CCDC157: variants seen among roughly 807,000 people sequenced by gnomAD.
CCDC157 encodes coiled-coil domain containing 157, also known as coiled-coil domain-containing protein 157.
In CCDC157, 60 loss-of-function variants were observed where a neutral mutation model predicts 70.9. The ratio of observed to expected loss-of-function variants is 0.85; its 90% CI spans 0.69 to 1.05. The LOEUF (loss-of-function observed/expected upper bound fraction) is 1.05, where lower values mean the gene tolerates loss of function less well. Ranked by LOEUF, CCDC157 falls within the 50% of genes least tolerant of loss-of-function variation. The pLI is 0.00. For missense variants in CCDC157, 943 were observed against 984.2 expected (o/e 0.96, Z 0.56); for synonymous variants, 373 against 422.4 (o/e 0.88, Z 1.43).
At position 30,370,725 on chromosome 22, in the gene CCDC157, C is replaced by T. The variant is rs879034884; in HGVS notation, c.820C>T (p.Arg274Cys). The T allele has an allele frequency of 5.0e-6, 8 of 1,613,450 alleles. No individual in the cohort carries two copies. The highest frequency in any genetic ancestry group is 1.7e-4 in the Middle Eastern group (1 of 6,056). ...LRPLPAATVG[R>C]WAAEQRKDLT... is the part of the protein sequence containing the mutation. ...GCCACTGCCGGCTGCCACCGTGGGC[C>T]GCTGGGCAGCAGAGCAGAGGAAAGA... Residue 274 changes from arginine (R) to cysteine (C), a missense_variant, in exon 5 of 12, where the codon CGC (arginine) becomes TGC (cysteine). Physicochemically the swap from Arg to Cys is radical, Grantham distance 180. Coordinates refer to ENST00000338306, the MANE Select transcript of CCDC157 (RefSeq NM_001017437.5).
In CCDC157 at chr22:30,373,917, T is replaced by C. The variant is rs4820839; in HGVS notation, c.1504-6T>C. 0.22 allele frequency: 354,848 copies of C among 1,603,672 alleles called. 41,320 individuals carry two copies. The highest frequency in any genetic ancestry group is 0.27 in the Middle Eastern group (1,613 of 5,984). ...GGAGCCAGGCCTGAGCCTCCGTCTGTCCCAGGAGCTGCTGCAGAGCCTGCA... is the reference window on the plus strand; with the variant it reads ...GGAGCCAGGCCTGAGCCTCCGTCTGCCCCAGGAGCTGCTGCAGAGCCTGCA... On this transcript the variant is annotated splice_region_variant and splice_polypyrimidine_tract_variant and intron_variant, in intron 8 of 11. Transcript: ENST00000338306.
intron 4 of CCDC157, chr22:30,369,875 T>C: frequency 2.1e-6 from 1 of 470,058 alleles, no homozygotes; most frequent in Non-Finnish European, 3.8e-6. Context: ...TCTTCATCTA[T>C]ACAACGGAGG....
In CCDC157 at chr22:30,377,074, C is replaced by A; in HGVS notation, c.*329C>A. On this transcript the variant is annotated 3_prime_UTR_variant, in exon 12 of 12. Coordinates refer to ENST00000338306, the MANE Select transcript of CCDC157 (RefSeq NM_001017437.5). The stretch of plus-strand genomic sequence containing the variant: ...AAGGTCCGTTTTTCTATCCCCAGAG[C>A]AAGGGTCGAGGGGTGAACCTTGGCT... 1 of 387,710 alleles carries A rather than the reference C, an allele frequency of 2.6e-6. No homozygotes were observed. Among genetic ancestry groups the A allele is most frequent in the South Asian group, 3.2e-5 (1 of 31,072 alleles). The allele number at this position is 387,710 out of a possible 1,614,324, so 24.0% of individuals were successfully genotyped here.
At position 30,370,430 on chromosome 22, in the gene CCDC157, C is replaced by T. The variant is rs865896990; in HGVS notation, c.525C>T (p.Ser175=). 1 of 1,614,170 alleles carries T rather than the reference C, an allele frequency of 6.2e-7. No individual in the cohort carries two copies. The highest frequency in any genetic ancestry group is 1.7e-5 in the Admixed American group (1 of 60,026). Residue 175 remains serine (S), a synonymous_variant, in exon 5 of 12, where the codon TCC becomes TCT. Coordinates refer to ENST00000338306, the MANE Select transcript of CCDC157 (RefSeq NM_001017437.5). ...CTACCAAGTTAATCAAGCCCTCCTCCCCAGTGCTAGGCTTGCCCCAGACCT... is the reference window on the plus strand; with the variant it reads ...CTACCAAGTTAATCAAGCCCTCCTCTCCAGTGCTAGGCTTGCCCCAGACCT... ...YLTTKLIKPS[S]PVLGLPQTCQ... is the part of the protein sequence containing the mutation.
chr22:30,363,515 C>T (rs2145873483), intron 2 of CCDC157, among the ~76,000 whole-genome samples: 1 of 152,182 alleles, frequency 6.6e-6, no homozygotes, highest in South Asian at 2.1e-4. Context: ...CCCCATCTTA[C>T]AGCTGGGCCT....
chr22:30,375,779 G>A, intron 10 of CCDC157, 116 bp downstream of exon 10: 2 of 891,342 alleles, frequency 2.2e-6, no homozygotes, highest in East Asian at 2.7e-5. Flanking sequence ...TGAGGCCTTA[G>A]GCTGTGCTTT....
chr22:30,370,972 C>A, intron 5 of CCDC157, 22 bp downstream of exon 5: 5 of 1,591,572 alleles, frequency 3.1e-6, no homozygotes, highest in East Asian at 2.3e-5. Flanking sequence ...AGAGGCCAGA[C>A]GCCTGGTGCC....
chr22:30,369,343 A>G (rs1932833499), intron 3 of CCDC157, 89 bp from the exon 4 acceptor site: 2 of 1,204,480 alleles, frequency 1.7e-6, no homozygotes, highest in African/African-American at 3.1e-5. Flanking sequence ...TGCCTGGGCC[A>G]GTTCCCCAGA....
intron 3 of CCDC157, 168 bp downstream of exon 3, chr22:30,366,416 T>A: frequency 1.3e-6 from 1 of 752,482 alleles, no homozygotes; most frequent in Non-Finnish European, 2.2e-6. Flanking sequence ...TGGTCTTACC[T>A]TTTATCATGT....
rs1031314758 is a variant in CCDC157 at position 30,378,448 on chromosome 22, G to T, written c.*1703G>T. 1 of 185,610 alleles carries T rather than the reference G, an allele frequency of 5.4e-6. No individual in the cohort carries two copies. Among genetic ancestry groups the T allele is most frequent in the African/African-American group, 2.3e-5 (1 of 42,756 alleles). 11.5% of individuals were successfully genotyped at this position (185,610 alleles called of 1,614,324 possible). A position where few individuals can be genotyped will look rare whatever the true frequency, so the allele number is the denominator to read the frequency against. On this transcript the variant is annotated 3_prime_UTR_variant, in exon 12 of 12. Coordinates refer to ENST00000338306, the MANE Select transcript of CCDC157 (RefSeq NM_001017437.5). Reference sequence around the variant, plus strand: ...GTTCGAGACCAGCCTGACCAACATGGAGAAACCCCGTCTCTACTAAAAATA... The same window carrying T: ...GTTCGAGACCAGCCTGACCAACATGTAGAAACCCCGTCTCTACTAAAAATA...
intron 10 of CCDC157, chr22:30,375,887 G>T: frequency 3.5e-6 from 2 of 569,648 alleles, no homozygotes; most frequent in Non-Finnish European, 6.1e-6. Flanking sequence ...TCCTTTAAGT[G>T]CAGCAAGAAG....
intron 2 of CCDC157, among the ~76,000 whole-genome samples, chr22:30,364,772 G>A (rs978292123): frequency 3.4e-5 from 5 of 149,090 alleles, no homozygotes; most frequent in South Asian, 4.2e-4. Context: ...CTGAGATCAC[G>A]CCACTGTACT....
intron 1 of CCDC157, among the ~76,000 whole-genome samples, chr22:30,361,612 C>A (rs967974042): frequency 2.6e-5 from 4 of 152,144 alleles, no homozygotes; most frequent in African/African-American, 9.7e-5. Flanking sequence ...TAGTATATTT[C>A]TTTTGGACAC....
chr22:30,363,560 T>C (rs1932497757), intron 2 of CCDC157, among the ~76,000 whole-genome samples: 1 of 152,084 alleles, frequency 6.6e-6, no homozygotes, highest in Admixed American at 6.6e-5. Flanking sequence ...GGGGCAGGGC[T>C]GGGATTCTCT....
At chr22:30,371,547 T>A (rs11705092) in intron 5 of CCDC157, 103 bp from the exon 6 acceptor site, 3 of 974,342 alleles carry the variant, frequency 3.1e-6, no homozygotes, top group East Asian at 2.4e-5. Context: ...GCGGCCCCTC[T>A]GCAGGCGATG....
chr22:30,374,003 A>G lies in CCDC157; in HGVS notation c.1584A>G (p.Leu528=). The G allele has an allele frequency of 6.2e-7, 1 of 1,612,692 alleles. No individual in the cohort carries two copies. Residue 528 remains leucine (L), a synonymous_variant, in exon 9 of 12, where the codon CTA becomes CTG. Coordinates refer to ENST00000338306, the MANE Select transcript of CCDC157 (RefSeq NM_001017437.5). ...TTDLRLTILE[L]ERELEELKER... ...ACCTGCGGCTAACCATCCTGGAGCT[A>G]GAACGGGAGCTGGAGGAGCTGAAGG...
chr22:30,377,108 C>T lies in CCDC157; in HGVS notation c.*363C>T, dbSNP rs1378791383. On this transcript the variant is annotated 3_prime_UTR_variant, in exon 12 of 12. Coordinates refer to ENST00000338306, the MANE Select transcript of CCDC157 (RefSeq NM_001017437.5). ...AGGGGTGAACCTTGGCTCAGTGGCC[C>T]GCACTGACTCAGGAAGGGGTCAGGT... is the stretch of plus-strand genomic sequence containing the variant. The T allele has an allele frequency of 3.4e-6, 1 of 293,372 alleles. No homozygotes were observed. Among genetic ancestry groups the T allele is most frequent in the Non-Finnish European group, 6.6e-6 (1 of 152,370 alleles). 18.2% of individuals were successfully genotyped at this position (293,372 alleles called of 1,614,324 possible).
Position 30,376,932 on chromosome 22 carries a change from A to G in CCDC157, c.*187A>G. The G allele has an allele frequency of 1.6e-6, 1 of 625,610 alleles. No homozygotes were observed. Among genetic ancestry groups the G allele is most frequent in the Non-Finnish European group, 2.8e-6 (1 of 360,158 alleles). The allele number at this position is 625,610 out of a possible 1,614,324, so 38.8% of individuals were successfully genotyped here. On this transcript the variant is annotated 3_prime_UTR_variant, in exon 12 of 12. Transcript: ENST00000338306. Reference sequence around the variant, plus strand: ...GCCATGTAGTTCAGTCAGTCAGCAGAGTCCTGGCACTATGGGCCCTCAGTA... The same window carrying G: ...GCCATGTAGTTCAGTCAGTCAGCAGGGTCCTGGCACTATGGGCCCTCAGTA...
In CCDC157 at chr22:30,369,544, C is replaced by T. The variant is rs770842176; in HGVS notation, c.361C>T (p.Arg121Trp). Residue 121 changes from arginine (R) to tryptophan (W), a missense_variant, in exon 4 of 12, where the codon CGG becomes TGG. Coordinates refer to ENST00000338306, the MANE Select transcript of CCDC157 (RefSeq NM_001017437.5). ...CTGCATGTCCGTGGGGCTCACGGTG[C>T]GGCGCTTCTGGGACAGCCTGCTGAG... is the stretch of plus-strand genomic sequence containing the variant. ...GPCMSVGLTV[R>W]RFWDSLLRLG... 185 of 1,603,530 alleles carry T rather than the reference C, an allele frequency of 1.2e-4. 2 individuals carry two copies. Among genetic ancestry groups the T allele is most frequent in the South Asian group, 5.9e-4 (53 of 90,158 alleles).
Sources: gnomAD v4.1 joint callset for allele counts (sites outside exome capture counted in the v4.1 genomes callset) on GRCh38, gnomAD v4.1.1 for gene constraint, MANE v1.5 for transcripts, NCBI Gene and HGNC (gene_info 2026-07-23, HGNC 2026-07-21) for gene names.